The following MAX variants were observed in gnomAD, a reference collection of about 807,000 sequenced individuals.
The protein encoded by MAX is protein max.
MAX carries 3 observed loss-of-function variants against 22.3 expected under a neutral mutation model. The ratio of observed to expected loss-of-function variants is 0.13; its 90% CI spans 0.06 to 0.35. The LOEUF (loss-of-function observed/expected upper bound fraction) is 0.35. Among genes scored for constraint, MAX ranks in the 10% least tolerant of loss-of-function variants. MAX has a pLI of 1.00. For missense variants in MAX, 119 were observed against 209.4 expected, an observed-to-expected ratio of 0.57 and a Z score of 2.66; for synonymous variants, 72 against 77.7, an observed-to-expected ratio of 0.93 and a Z score of 0.39.
chr14:65,017,113 G>A (rs994161392), intron 3 of MAX, among the ~76,000 whole-genome samples: 5 of 152,158 alleles, frequency 3.3e-5, no homozygotes, highest in Middle Eastern at 3.4e-3. Context: ...AGTAGAGGTA[G>A]GCTTTCACCA....
chr14:65,102,180 C>T, intron 1 of MAX, 124 bp downstream of exon 1: 2 of 1,535,402 alleles, frequency 1.3e-6, no homozygotes, highest in Non-Finnish European at 1.8e-6. Flanking sequence ...GCACTCCTGG[C>T]CCCGAGGGGA....
rs572964841 is a variant in MAX at position 65,084,718 on chromosome 14, C to T, written c.172-6682G>A. On this transcript the variant is annotated intron_variant, in intron 3 of 4. Coordinates refer to ENST00000358664, the MANE Select transcript of MAX (RefSeq NM_002382.5). The surrounding 1 kb of genome is among the most constrained non-coding windows in gnomAD (Gnocchi z 4.3). ...TGCCTAATGACTAAACATGAGCACA[C>T]TGTATGACCTAGCGAAAAAATATAT... Among the ~76,000 whole-genome samples the T allele has an allele frequency of 3.3e-5, 5 of 152,300 alleles. No homozygotes were observed. The East Asian group carries it at 9.6e-4, about 29-fold the overall frequency.
intron 3 of MAX, among the ~76,000 whole-genome samples, chr14:65,013,748 A>G (rs2061722445): frequency 6.6e-6 from 1 of 152,190 alleles, no homozygotes; most frequent in Admixed American, 6.5e-5. Flanking sequence ...GGGTTTCACC[A>G]TATTGGCCAG....
At chr14:65,046,099 C>T (rs2062471425) in intron 3 of MAX, among the ~76,000 whole-genome samples, 1 of 152,144 alleles carries the variant, frequency 6.6e-6, no homozygotes, top group Admixed American at 6.5e-5. Flanking sequence ...GCCTTAGCCT[C>T]CTAAATAGCT....
intron 3 of MAX, among the ~76,000 whole-genome samples, chr14:65,058,120 T>C (rs1011866192): frequency 1.3e-5 from 2 of 152,158 alleles, no homozygotes; most frequent in African/African-American, 4.8e-5. Context: ...CTTTTTTTTT[T>C]TTCTTCCTGT....
At chr14:65,046,972 C>G (rs550240321) in intron 3 of MAX, among the ~76,000 whole-genome samples, 2 of 151,412 alleles carry the variant, frequency 1.3e-5, no homozygotes, top group South Asian at 4.2e-4. Context: ...CAAAAAGGTG[C>G]GAAAAATATT....
chr14:65,010,042 A>G (rs531244126), intron 3 of MAX, among the ~76,000 whole-genome samples: 4 of 152,012 alleles, frequency 2.6e-5, no homozygotes, highest in South Asian at 2.1e-4. Context: ...CTTGTTTACA[A>G]TTTGCCTTCA....
In MAX at chr14:65,051,559, C is replaced by T. The variant is rs377053397; in HGVS notation, c.171+42149G>A. 1.2e-3 allele frequency among the ~76,000 whole-genome samples: 181 copies of T among 151,408 alleles called. 1 individual carries two copies. Among genetic ancestry groups the T allele is most frequent in the Non-Finnish European group, 2.4e-3 (160 of 67,882 alleles). ...CCGGGAGGCGGAGGTTGCAGTGAGC[C>T]GAGATCGTGCCATTGCCCTCCAACC... is the stretch of plus-strand genomic sequence containing the variant. On this transcript the variant is annotated intron_variant, in intron 3 of 3. Coordinates refer to the MAX transcript ENST00000341653.
At chr14:65,068,521 A>T (rs926941035) in intron 3 of MAX, among the ~76,000 whole-genome samples, 11 of 152,182 alleles carry the variant, frequency 7.2e-5, no homozygotes, top group Admixed American at 2.0e-4. Context: ...TACATGGGAG[A>T]TGTTTATTCT....
intron 3 of MAX, among the ~76,000 whole-genome samples, chr14:65,080,269 C>T (rs2063168710): frequency 1.3e-5 from 2 of 152,260 alleles, no homozygotes; most frequent in African/African-American, 2.4e-5. Flanking sequence ...AAGTGAGATG[C>T]GTTTCTTTAG....
chr14:65,040,863 C>T (rs781068835), intron 3 of MAX: 4 of 1,614,012 alleles, frequency 2.5e-6, no homozygotes, highest in Non-Finnish European at 3.4e-6. Flanking sequence ...CTTCTGTGGC[C>T]TGGCCGCGCT....
chr14:65,032,450 C>A lies in MAX; in HGVS notation c.172-26166G>T. The A allele has an allele frequency of 1.7e-6, 1 of 593,560 alleles. No homozygotes were observed. The highest frequency in any genetic ancestry group is 2.8e-6 in the Non-Finnish European group (1 of 360,224). The allele number at this position is 593,560 out of a possible 1,614,324, so 36.8% of individuals were successfully genotyped here. ...ACTCTATCCAAATAGAATGTCACAC[C>A]TCTCAGTTGGAGACCCAGGAGGACT... On this transcript the variant is annotated intron_variant, in intron 3 of 3. Transcript: ENST00000341653. The surrounding 1 kb of genome is among the most constrained non-coding windows in gnomAD (Gnocchi z 5.0).
Position 65,077,749 on chromosome 14 carries a change from C to T in MAX, c.295+164G>A. The stretch of plus-strand genomic sequence containing the variant: ...CTCACTGGCGCCTCAGGTCCTTCCT[C>T]AGGACGGCTCTAACACTCAGTTACT... On this transcript the variant is annotated intron_variant, in intron 4 of 4. Transcript: ENST00000358664. This position sits in a 1 kb window ranked among gnomAD's most constrained non-coding sequence, Gnocchi z 6.3. 2 of 1,610,188 alleles carry T rather than the reference C, an allele frequency of 1.2e-6. No individual in the cohort carries two copies. The highest frequency in any genetic ancestry group is 8.5e-7 in the Non-Finnish European group (1 of 1,178,744).
chr14:65,063,673 T>G (rs1451759763), intron 3 of MAX, among the ~76,000 whole-genome samples: 1 of 152,132 alleles, frequency 6.6e-6, no homozygotes, highest in African/African-American at 2.4e-5. Flanking sequence ...CAGAAGATCT[T>G]CCTGCCTTAG....
In MAX at chr14:65,088,073, T is replaced by C. The variant is rs554105752; in HGVS notation, c.171+5635A>G. The stretch of plus-strand genomic sequence containing the variant: ...GACTTGCTCCTCCTTGCCTTCGCCA[T>C]GATTGTGAGGCTTCCTTCCAGCCAC... On this transcript the variant is annotated intron_variant, in intron 3 of 4. Transcript: ENST00000358664. This position sits in a 1 kb window ranked among gnomAD's most constrained non-coding sequence, Gnocchi z 5.2. Among the ~76,000 whole-genome samples, 120 of 152,304 alleles carry C rather than the reference T, an allele frequency of 7.9e-4. No individual in the cohort carries two copies. The highest frequency in any genetic ancestry group is 6.8e-3 in the Middle Eastern group (2 of 294).
At position 65,049,417 on chromosome 14, in the gene MAX, A is replaced by G. The variant is rs1244918786; in HGVS notation, c.172-43133T>C. ...CAAAATGAGATTAGAATGGCGACCTATAATTTCAGGAAGAGGTAGAAAGGA... is the reference window on the plus strand; with the variant it reads ...CAAAATGAGATTAGAATGGCGACCTGTAATTTCAGGAAGAGGTAGAAAGGA... On this transcript the variant is annotated intron_variant, in intron 3 of 3. Transcript: ENST00000341653. Among the ~76,000 whole-genome samples the G allele has an allele frequency of 1.6e-4, 24 of 152,198 alleles. 1 individual carries two copies. The highest frequency in any genetic ancestry group is 2.9e-5 in the Non-Finnish European group (2 of 68,032).
intron 3 of MAX, among the ~76,000 whole-genome samples, chr14:65,058,069 T>C (rs573693722): frequency 6.6e-6 from 1 of 152,296 alleles, no homozygotes; most frequent in South Asian, 2.1e-4. Flanking sequence ...GGGATTTTTA[T>C]TGGAATTGCA....
chr14:65,034,243 A>G lies in MAX; in HGVS notation c.172-27959T>C, dbSNP rs746601660. On this transcript the variant is annotated intron_variant, in intron 3 of 3. Transcript: ENST00000341653. ...CTGGACAGATTGCTCTCAGCTTGCT[A>G]CACAGCAGGCATCCCGAAGCTTCCT... is the stretch of plus-strand genomic sequence containing the variant. Among the ~76,000 whole-genome samples, 35 of 152,324 alleles carry G rather than the reference A, an allele frequency of 2.3e-4. 1 individual carries two copies. The highest frequency in any genetic ancestry group is 1.5e-3 in the Admixed American group (23 of 15,302).
chr14:65,092,541 G>C (rs1391703197), intron 3 of MAX, among the ~76,000 whole-genome samples: 1 of 152,164 alleles, frequency 6.6e-6, no homozygotes, highest in African/African-American at 2.4e-5. Flanking sequence ...TGTTATTCCA[G>C]GTAAGTACCT....
Sources: allele counts gnomAD v4.1 joint callset (sites outside exome capture counted in the v4.1 genomes callset), GRCh38; gene constraint gnomAD v4.1.1; non-coding constraint Gnocchi (gnomAD v3.1); transcripts MANE v1.5; gene names NCBI Gene and HGNC (gene_info 2026-07-23, HGNC 2026-07-21).